ATXN2: variants seen among roughly 807,000 people sequenced by gnomAD.
The protein encoded by ATXN2 is ataxin-2.
Under a neutral mutation model 138.6 loss-of-function variants are expected in ATXN2, and 37 were observed. The observed-to-expected ratio is 0.27, with a 90% CI of 0.21 to 0.35. The LOEUF is 0.35. Ranked by LOEUF, ATXN2 falls within the 10% of genes least tolerant of loss-of-function variation. ATXN2 has a pLI of 1.00. For missense variants in ATXN2, 1,216 were observed against 1,480.3 expected (o/e 0.82, Z 2.93); for synonymous variants, 549 against 543.7 (o/e 1.01, Z -0.13).
chr12:111,468,696 C>CTTTTTTTTTTT (rs1007805276), intron 20 of ATXN2: 1 of 108,494 alleles, frequency 9.2e-6, no homozygotes, highest in Non-Finnish European at 1.8e-5. Flanking sequence ...TCTGTAAATT[C>CTTTTTTTTTTT]TTTTTTTTTT....
intron 5 of ATXN2, among the ~76,000 whole-genome samples, chr12:111,536,973 G>A (rs903937842): frequency 1.2e-4 from 18 of 151,674 alleles, no homozygotes; most frequent in Non-Finnish European, 2.4e-4. Flanking sequence ...AGTAGAGACA[G>A]GGTTTCACCA....
chr12:111,531,934 T>C (rs1880859667), intron 5 of ATXN2, among the ~76,000 whole-genome samples: 1 of 152,204 alleles, frequency 6.6e-6, no homozygotes, highest in Non-Finnish European at 1.5e-5. Flanking sequence ...TGAAATGCAG[T>C]TATCAAAAAC....
At chr12:111,459,750 ATTTTT>A (rs1334451966) in intron 21 of ATXN2, among the ~76,000 whole-genome samples, 1 of 133,766 alleles carries the variant, frequency 7.5e-6, no homozygotes, top group Non-Finnish European at 1.6e-5. Flanking sequence ...ATGTTTGTTT[ATTTTT>A]GAGACCCAGT....
rs529289615 is a variant in ATXN2, at chr12:111,497,596, T to C, written c.1936-8816A>G. ...CGCAAATCAATAAACATGGTACATCTTAACAGAATAAAAGACAAAGACTAA... is the reference window on the plus strand; with the variant it reads ...CGCAAATCAATAAACATGGTACATCCTAACAGAATAAAAGACAAAGACTAA... On this transcript the variant is annotated intron_variant, in intron 14 of 24. Coordinates refer to ENST00000673436, the MANE Select transcript of ATXN2 (RefSeq NM_001372574.1). Among the ~76,000 whole-genome samples the C allele has an allele frequency of 3.0e-4, 46 of 151,916 alleles. 1 individual carries two copies. The highest frequency in any genetic ancestry group is 2.5e-3 in the South Asian group (12 of 4,812).
At chr12:111,462,723 TTACCAGGAAAAC>T (rs756062409) in intron 21 of ATXN2, among the ~76,000 whole-genome samples, 3 of 152,168 alleles carry the variant, frequency 2.0e-5, no homozygotes, top group Non-Finnish European at 4.4e-5. Flanking sequence ...CCTTAGCTAC[TTACCAGGAAAAC>T]AACACCAAAC....
intron 5 of ATXN2, among the ~76,000 whole-genome samples, chr12:111,547,838 T>A (rs1248395536): frequency 1.1e-5 from 1 of 89,746 alleles, no homozygotes; most frequent in Non-Finnish European, 2.5e-5. Flanking sequence ...GCTTGAGAAT[T>A]TTTTTTTTTT....
chr12:111,535,870 G>A (rs1881134884), intron 5 of ATXN2, among the ~76,000 whole-genome samples: 1 of 150,162 alleles, frequency 6.7e-6, no homozygotes, highest in Non-Finnish European at 1.5e-5. Context: ...CGTAGTGGCG[G>A]GCGCCTGTAG....
chr12:111,553,994 T>C (rs1882260597), intron 3 of ATXN2, among the ~76,000 whole-genome samples, 164 bp downstream of exon 3: 1 of 152,148 alleles, frequency 6.6e-6, no homozygotes, highest in South Asian at 2.1e-4. Flanking sequence ...CAATGAATTA[T>C]ATTAGACTGG....
chr12:111,468,696 CTTTTTTTTTTTT>C (rs1007805276), intron 20 of ATXN2: 3 of 108,524 alleles, frequency 2.8e-5, no homozygotes, highest in Non-Finnish European at 5.4e-5. Context: ...TCTGTAAATT[CTTTTTTTTTTTT>C]TTTTTTTTTG....
At chr12:111,581,351 C>A in intron 1 of ATXN2, 1 of 579,766 alleles carries the variant, frequency 1.7e-6, no homozygotes, top group Non-Finnish European at 3.2e-6. Context: ...CCCAGCAACC[C>A]GACCACAGCT....
chr12:111,562,074 G>A lies in ATXN2; in HGVS notation c.252-6155C>T, dbSNP rs1193855583. Among the ~76,000 whole-genome samples the A allele has an allele frequency of 2.6e-5, 4 of 151,674 alleles. No individual in the cohort carries two copies. The South Asian group carries it at 6.2e-4, about 24-fold the overall frequency. On this transcript the variant is annotated intron_variant, in intron 1 of 24. Coordinates refer to ENST00000673436, the MANE Select transcript of ATXN2 (RefSeq NM_001372574.1). ...GATCCACCCACCTCGGCCTTCCAAA[G>A]TGCTGGGATTACAGGTGTGAGCCAC...
intron 5 of ATXN2, 82 bp from the exon 6 acceptor site, chr12:111,525,398 T>C: frequency 3.0e-6 from 4 of 1,332,274 alleles, no homozygotes; most frequent in Non-Finnish European, 3.9e-6. Context: ...AACAAAGACA[T>C]ATGTTAAAAA....
At chr12:111,513,669 ATAG>A in intron 10 of ATXN2, 130 bp from the exon 11 acceptor site, 1 of 760,484 alleles carries the variant, frequency 1.3e-6, no homozygotes. Context: ...TTGGTTAAAA[ATAG>A]AAAAAAAAAA....
At chr12:111,482,333 T>C (rs568186755) in intron 18 of ATXN2, among the ~76,000 whole-genome samples, 58 of 152,074 alleles carry the variant, frequency 3.8e-4, no homozygotes, top group Non-Finnish European at 6.5e-4. Context: ...TAGCTGGGAC[T>C]ATAGGCACCT....
chr12:111,495,832 T>C (rs770535571), intron 14 of ATXN2, among the ~76,000 whole-genome samples: 4 of 152,142 alleles, frequency 2.6e-5, no homozygotes, highest in African/African-American at 7.2e-5. Flanking sequence ...ATAGACCCTA[T>C]GTTAAGCCAC....
chr12:111,568,419 T>C (rs1309846056), intron 1 of ATXN2, among the ~76,000 whole-genome samples: 1 of 152,196 alleles, frequency 6.6e-6, no homozygotes, highest in African/African-American at 2.4e-5. Context: ...CCTCTATATG[T>C]CCTTCAGTAG....
At chr12:111,573,060 T>A (rs1315261565) in intron 1 of ATXN2, among the ~76,000 whole-genome samples, 3 of 151,958 alleles carry the variant, frequency 2.0e-5, no homozygotes, top group African/African-American at 4.8e-5. Flanking sequence ...AAAAAAAAAA[T>A]TATAAACAAA....
chr12:111,497,625 AT>A (rs1878502282), intron 14 of ATXN2, among the ~76,000 whole-genome samples: 1 of 150,638 alleles, frequency 6.6e-6, no homozygotes, highest in African/African-American at 2.4e-5. Context: ...AGACTAAAAA[AT>A]ATATATATAT....
chr12:111,531,372 T>C (rs1000442817), intron 5 of ATXN2, among the ~76,000 whole-genome samples: 1 of 152,068 alleles, frequency 6.6e-6, no homozygotes, highest in African/African-American at 2.4e-5. Context: ...GCGGAGGTTG[T>C]AGTGAGCCAA....
Sources: allele counts gnomAD v4.1 joint callset (sites outside exome capture counted in the v4.1 genomes callset), GRCh38; gene constraint gnomAD v4.1.1; transcripts MANE v1.5; gene names NCBI Gene and HGNC (gene_info 2026-07-23, HGNC 2026-07-21).